PBX1: variants seen among roughly 807,000 people sequenced by gnomAD.
The protein encoded by PBX1 is PBX homeobox 1, also known as pre-B-cell leukemia transcription factor 1.
Under a neutral mutation model 53.4 loss-of-function variants are expected in PBX1, and 6 were observed. That is an observed-to-expected ratio of 0.11 (90% confidence interval 0.06 to 0.22). The LOEUF is 0.22. PBX1 is among the 10% of genes least tolerant of loss of function. PBX1 has a pLI of 1.00. For synonymous variants in PBX1, 204 were observed against 212.3 expected (o/e 0.96, Z 0.34); for missense variants, 251 against 551.4 (o/e 0.46, Z 5.46).
At chr1:164,767,535 G>A (rs1667124475) in intron 2 of PBX1, among the ~76,000 whole-genome samples, 1 of 152,012 alleles carries the variant, frequency 6.6e-6, no homozygotes. Flanking sequence ...CTAAGTACCA[G>A]GAACGTGTTA....
chr1:164,846,861 C>T lies in PBX1; in HGVS notation c.*185C>T. 1 of 1,413,770 alleles carries T rather than the reference C, an allele frequency of 7.1e-7. No individual in the cohort carries two copies. The highest frequency in any genetic ancestry group is 9.2e-7 in the Non-Finnish European group (1 of 1,085,696). The allele number at this position is 1,413,770 out of a possible 1,614,324, so 87.6% of individuals were successfully genotyped here. A position where few individuals can be genotyped will look rare whatever the true frequency, so the allele number is the denominator to read the frequency against. Reference sequence around the variant, plus strand: ...CAGCCAATCTGGACACTTCTTTATACTCTCTTCCCTTTTTTTTCTGGGTAG... The same window carrying T: ...CAGCCAATCTGGACACTTCTTTATATTCTCTTCCCTTTTTTTTCTGGGTAG... On this transcript the variant is annotated 3_prime_UTR_variant, in exon 9 of 9. Coordinates refer to ENST00000420696, the MANE Select transcript of PBX1 (RefSeq NM_002585.4).
At chr1:164,742,228 G>A (rs867999758) in intron 2 of PBX1, among the ~76,000 whole-genome samples, 1 of 152,036 alleles carries the variant, frequency 6.6e-6, no homozygotes, top group Non-Finnish European at 1.5e-5. Flanking sequence ...GGATTGGAAG[G>A]CCCATCATGT....
In PBX1 at chr1:164,705,683, G is replaced by A. The variant is rs146232537; in HGVS notation, c.266-86811G>A. ...ATGTATATATTATGTGACTAACACAGTGAAGGATATGAAAAGTATGAAGAC... is the reference window on the plus strand; with the variant it reads ...ATGTATATATTATGTGACTAACACAATGAAGGATATGAAAAGTATGAAGAC... On this transcript the variant is annotated intron_variant, in intron 2 of 8. Transcript: ENST00000420696. 6.2e-3 allele frequency among the ~76,000 whole-genome samples: 946 copies of A among 152,286 alleles called. 11 individuals are homozygous for A. The highest frequency in any genetic ancestry group is 0.021 in the African/African-American group (877 of 41,570).
At chr1:164,730,120 A>G (rs759467785) in intron 2 of PBX1, among the ~76,000 whole-genome samples, 1 of 152,354 alleles carries the variant, frequency 6.6e-6, no homozygotes, top group African/African-American at 2.4e-5. Flanking sequence ...GCAGAAGGCA[A>G]TGGAAGTTAG....
intron 2 of PBX1, among the ~76,000 whole-genome samples, chr1:164,626,426 G>A (rs1262849220): frequency 6.6e-6 from 1 of 152,290 alleles, no homozygotes; most frequent in African/African-American, 2.4e-5. Flanking sequence ...CTGCTAGTGG[G>A]TGGGTAAGTG....
At chr1:164,695,911 T>C (rs1780354) in intron 2 of PBX1, among the ~76,000 whole-genome samples, 36,037 of 152,176 alleles carry the variant, frequency 0.24, 4,512 homozygotes, top group East Asian at 0.46. Context: ...TTTCTATGTG[T>C]ATGGTCTGTT....
intron 2 of PBX1, among the ~76,000 whole-genome samples, chr1:164,748,869 G>A (rs1253334502): frequency 2.0e-5 from 3 of 152,146 alleles, no homozygotes; most frequent in African/African-American, 7.2e-5. Context: ...GAGCAGTGGT[G>A]TGTGATGGAG....
chr1:164,761,163 T>G (rs575509560), intron 2 of PBX1, among the ~76,000 whole-genome samples: 1 of 152,168 alleles, frequency 6.6e-6, no homozygotes, highest in African/African-American at 2.4e-5. Flanking sequence ...ATCACACTAC[T>G]TAGGGACACA....
At chr1:164,797,757 G>T (rs10918071) in intron 3 of PBX1, among the ~76,000 whole-genome samples, 31,353 of 152,116 alleles carry the variant, frequency 0.21, 3,389 homozygotes, top group South Asian at 0.28. Context: ...ACATGTACTT[G>T]TAGGGCCAGG....
At chr1:164,736,149 G>A (rs1401210372) in intron 2 of PBX1, among the ~76,000 whole-genome samples, 2 of 152,158 alleles carry the variant, frequency 1.3e-5, no homozygotes, top group African/African-American at 4.8e-5. Context: ...TCCCACTGCA[G>A]CCCCTCTCCC....
chr1:164,788,996 C>T (rs923580914), intron 2 of PBX1, among the ~76,000 whole-genome samples: 8 of 152,052 alleles, frequency 5.3e-5, no homozygotes, highest in Admixed American at 4.6e-4. Context: ...GAAAGCTAAG[C>T]GAAATACTAA....
At chr1:164,686,194 C>G (rs372237715) in intron 2 of PBX1, among the ~76,000 whole-genome samples, 2 of 152,102 alleles carry the variant, frequency 1.3e-5, no homozygotes, top group South Asian at 4.1e-4. Flanking sequence ...AAATGATGTT[C>G]CTTATTATTA....
intron 2 of PBX1, among the ~76,000 whole-genome samples, chr1:164,607,247 A>T (rs2101816812): frequency 6.6e-6 from 1 of 152,270 alleles, no homozygotes; most frequent in Admixed American, 6.5e-5. Flanking sequence ...GTCTCTGTGG[A>T]GGATGGATTA....
intron 2 of PBX1, among the ~76,000 whole-genome samples, chr1:164,664,324 G>C (rs1244448068): frequency 1.3e-5 from 2 of 152,150 alleles, no homozygotes; most frequent in African/African-American, 4.8e-5. Flanking sequence ...TTTAGTTGGT[G>C]TCCCTCTAGT....
At chr1:164,733,798 A>T (rs1400940327) in intron 2 of PBX1, among the ~76,000 whole-genome samples, 1 of 152,240 alleles carries the variant, frequency 6.6e-6, no homozygotes, top group Admixed American at 6.5e-5. Flanking sequence ...TGAATTAATT[A>T]TAAGATTTTT....
At chr1:164,589,624 G>A (rs1655218877) in intron 2 of PBX1, among the ~76,000 whole-genome samples, 1 of 152,162 alleles carries the variant, frequency 6.6e-6, no homozygotes, top group Non-Finnish European at 1.5e-5. Context: ...TTGCCAGAGA[G>A]TAGAATATTG....
Position 164,846,818 on chromosome 1 carries a change from T to TTC in PBX1, c.*144_*145dup. The TTC allele has an allele frequency of 6.7e-7, 1 of 1,496,542 alleles. No individual in the cohort carries two copies. The highest frequency in any genetic ancestry group is 1.3e-5 in the South Asian group (1 of 76,528). 92.7% of individuals were successfully genotyped at this position (1,496,542 alleles called of 1,614,324 possible). On this transcript the variant is annotated 3_prime_UTR_variant, in exon 9 of 9. Coordinates refer to ENST00000420696, the MANE Select transcript of PBX1 (RefSeq NM_002585.4). ...ACAATAAGAGTCTCCTTCTCTTCTC[T>TTC]TCTTTGGGATGCTATTTCAGCCAAT...
intron 8 of PBX1, among the ~76,000 whole-genome samples, chr1:164,823,798 G>C (rs1317815254): frequency 6.6e-6 from 1 of 152,018 alleles, no homozygotes; most frequent in Non-Finnish European, 1.5e-5. Flanking sequence ...TTTTTTCCAT[G>C]AACTGTGGTT....
chr1:164,793,872 CTTTTTTTTTT>C (rs72414989), intron 3 of PBX1, among the ~76,000 whole-genome samples: 1 of 78,218 alleles, frequency 1.3e-5, no homozygotes. Flanking sequence ...TTTTTCCTTT[CTTTTTTTTTT>C]TTTTTTTTTT....
Sources: gnomAD v4.1 joint callset for allele counts (sites outside exome capture counted in the v4.1 genomes callset) on GRCh38, gnomAD v4.1.1 for gene constraint, MANE v1.5 for transcripts, NCBI Gene and HGNC (gene_info 2026-07-23, HGNC 2026-07-21) for gene names.